STK40: variants seen among roughly 807,000 people sequenced by gnomAD.
STK40 encodes serine/threonine-protein kinase 40.
In STK40, 13 loss-of-function variants were observed where a neutral mutation model predicts 47.9. The observed-to-expected ratio is 0.27, with a 90% CI of 0.18 to 0.43. The LOEUF is 0.43. Among genes scored for constraint, STK40 ranks in the 20% least tolerant of loss-of-function variants. The pLI, the probability that STK40 is intolerant of heterozygous loss-of-function variation, is 1.00. For missense variants in STK40, 460 were observed against 595.1 expected, an observed-to-expected ratio of 0.77 and a Z score of 2.36; for synonymous variants, 225 against 243.2, an observed-to-expected ratio of 0.93 and a Z score of 0.69.
At chr1:36,376,677 T>G (rs977377439) in intron 1 of STK40, among the ~76,000 whole-genome samples, 1 of 152,264 alleles carries the variant, frequency 6.6e-6, no homozygotes, top group African/African-American at 2.4e-5. Flanking sequence ...GGTCCACACC[T>G]GCTGATAAAG....
intron 7 of STK40, among the ~76,000 whole-genome samples, chr1:36,345,167 C>T (rs974588090): frequency 1.3e-5 from 2 of 152,262 alleles, no homozygotes; most frequent in Non-Finnish European, 2.9e-5. Context: ...CCACTCCCTG[C>T]GATGCACCCT....
Position 36,353,390 on chromosome 1 carries a change from G to A in STK40, c.623+974C>T, listed in dbSNP as rs138293367. 6.8e-3 allele frequency among the ~76,000 whole-genome samples: 1,035 copies of A among 152,276 alleles called. 15 individuals carry two copies. Among genetic ancestry groups the A allele is most frequent in the African/African-American group, 0.024 (987 of 41,560 alleles). On this transcript the variant is annotated intron_variant, in intron 6 of 10. Coordinates refer to ENST00000373132, the MANE Select transcript of STK40 (RefSeq NM_001282547.2). ...AACATGGTGAGACAGTGGTAGCACTGTCCCAGATCACTCCAAAGAGGCCCA... is the reference window on the plus strand; with the variant it reads ...AACATGGTGAGACAGTGGTAGCACTATCCCAGATCACTCCAAAGAGGCCCA...
At chr1:36,369,215 T>C (rs1646925264) in intron 1 of STK40, among the ~76,000 whole-genome samples, 1 of 152,212 alleles carries the variant, frequency 6.6e-6, no homozygotes, top group Admixed American at 6.5e-5. Flanking sequence ...TGGTGGTGTC[T>C]TTCTGTAGTG....
At chr1:36,365,573 T>C (rs552180038) in intron 1 of STK40, among the ~76,000 whole-genome samples, 1 of 152,354 alleles carries the variant, frequency 6.6e-6, no homozygotes, top group African/African-American at 2.4e-5. Flanking sequence ...GTCATTCACA[T>C]AAAAGCAGAG....
chr1:36,355,284 G>A lies in STK40; in HGVS notation c.492C>T (p.Ile164=). ...CCCTCTCGCTGAGCCTCTTCTCCTTGATGACGTAGTGCTGCAGGTTGATGA... is the reference window on the plus strand; with the variant it reads ...CCCTCTCGCTGAGCCTCTTCTCCTTAATGACGTAGTGCTGCAGGTTGATGA... ...ADLINLQHYV[I]KEKRLSERET... The change falls in exon 5 of 11, where the codon ATC becomes ATT. Residue 164 remains isoleucine (I), a synonymous_variant. Coordinates refer to ENST00000373132, the MANE Select transcript of STK40 (RefSeq NM_001282547.2). 6.2e-7 allele frequency: 1 copy of A among 1,614,106 alleles called. No homozygotes were observed. Among genetic ancestry groups the A allele is most frequent in the Non-Finnish European group, 8.5e-7 (1 of 1,180,036 alleles).
chr1:36,364,065 A>G (rs1646879498), intron 1 of STK40, among the ~76,000 whole-genome samples: 1 of 151,680 alleles, frequency 6.6e-6, no homozygotes, highest in Non-Finnish European at 1.5e-5. Context: ...GCAGGAGAAT[A>G]GTGTGAACCC....
At chr1:36,381,320 A>C (rs1157800606) in intron 1 of STK40, among the ~76,000 whole-genome samples, 2 of 152,192 alleles carry the variant, frequency 1.3e-5, no homozygotes, top group East Asian at 1.9e-4. Flanking sequence ...CCTACCTCTC[A>C]GGCACATCCT....
intron 4 of STK40, 21 bp downstream of exon 4, chr1:36,358,218 G>A (rs373813004): frequency 1.2e-4 from 192 of 1,569,696 alleles, no homozygotes; most frequent in Middle Eastern, 8.0e-4. Context: ...AGCGCGAAGG[G>A]TGAGGGGGAA....
chr1:36,352,239 T>C (rs947064801), intron 6 of STK40, among the ~76,000 whole-genome samples: 3 of 152,306 alleles, frequency 2.0e-5, no homozygotes, highest in South Asian at 4.1e-4. Context: ...TGTGAGCCCA[T>C]GGGTCCTGTT....
At chr1:36,355,081 T>C in intron 5 of STK40, 125 bp downstream of exon 5, 1 of 988,580 alleles carries the variant, frequency 1.0e-6, no homozygotes, top group Non-Finnish European at 1.5e-6. Flanking sequence ...CAGTCACTCT[T>C]CTTTTGGACA....
intron 1 of STK40, among the ~76,000 whole-genome samples, chr1:36,370,396 T>C (rs1303646831): frequency 2.0e-5 from 3 of 152,236 alleles, no homozygotes; most frequent in Non-Finnish European, 2.9e-5. Flanking sequence ...TCCAGGTTTG[T>C]GGTGTGAAAG....
At chr1:36,343,343 C>T (rs1646671449) in intron 10 of STK40, 21 bp downstream of exon 10, 11 of 1,606,888 alleles carry the variant, frequency 6.8e-6, no homozygotes, top group Non-Finnish European at 9.4e-6. Context: ...GGTAATGGCC[C>T]ATCTGCCCTC....
In STK40 at chr1:36,348,823, T is replaced by C. The variant is rs773368053; in HGVS notation, c.624-8A>G. 6.9e-6 allele frequency: 11 copies of C among 1,594,476 alleles called. No homozygotes were observed. Among genetic ancestry groups the C allele is most frequent in the South Asian group, 5.7e-5 (5 of 88,268 alleles). ...ATGGTTATCCGATGTGTCCTAGGAG[T>C]GGGAGACAGAGTGAACAAACCTCAG... On this transcript the variant is annotated splice_polypyrimidine_tract_variant and splice_region_variant and intron_variant, in intron 6 of 10. Transcript: ENST00000373132.
In STK40 at chr1:36,385,876, G is replaced by GCCGCCGCCT; in HGVS notation, c.-171_-163dup. On this transcript the variant is annotated 5_prime_UTR_variant, in exon 1 of 11. Coordinates refer to ENST00000373132, the MANE Select transcript of STK40 (RefSeq NM_001282547.2). ...AGCCACCCGAGCCGCCGCCGCCGCC[G>GCCGCCGCCT]CCGCCGCCTCCCTCCATGGCTGCGG... The GCCGCCGCCT allele has an allele frequency of 1.1e-5, 2 of 178,004 alleles. No homozygotes were observed. The highest frequency in any genetic ancestry group is 1.3e-4 in the South Asian group (1 of 7,546). 11.0% of individuals were successfully genotyped at this position (178,004 alleles called of 1,614,324 possible).
chr1:36,372,785 G>A (rs1646960809), intron 1 of STK40: 1 of 152,210 alleles, frequency 6.6e-6, no homozygotes, highest in Admixed American at 6.5e-5. Context: ...CTGGAGAAAA[G>A]GGCTGAGTCA....
chr1:36,345,186 C>G (rs1646688942), intron 7 of STK40, among the ~76,000 whole-genome samples: 3 of 152,264 alleles, frequency 2.0e-5, no homozygotes, highest in African/African-American at 7.2e-5. Flanking sequence ...CTCTGGTATA[C>G]CAGCAGGCTG....
At position 36,356,418 on chromosome 1, in the gene STK40, CT is replaced by C. The variant is rs1002682531; in HGVS notation, c.343-986del. Among the ~76,000 whole-genome samples the C allele has an allele frequency of 1.2e-3, 136 of 116,804 alleles. 1 individual carries two copies. Among genetic ancestry groups the C allele is most frequent in the Admixed American group, 2.7e-3 (30 of 11,292 alleles). The allele number at this position is 116,804 out of a possible 152,430, so 76.6% of individuals were successfully genotyped here. A position where few individuals can be genotyped will look rare whatever the true frequency, so the allele number is the denominator to read the frequency against. On this transcript the variant is annotated intron_variant, in intron 4 of 10. Coordinates refer to ENST00000373132, the MANE Select transcript of STK40 (RefSeq NM_001282547.2). Reference sequence around the variant, plus strand: ...CTGAATATCCACATTTCTTCTTTTTCTTTTTTTTTTTTTTTTTTTTTTTGTG... The same window carrying C: ...CTGAATATCCACATTTCTTCTTTTTCTTTTTTTTTTTTTTTTTTTTTTGTG...
intron 1 of STK40, among the ~76,000 whole-genome samples, chr1:36,377,710 A>G (rs899927104): frequency 3.9e-5 from 6 of 152,152 alleles, no homozygotes; most frequent in Non-Finnish European, 7.3e-5. Context: ...AAGGACAAAG[A>G]CAACACCCCT....
chr1:36,354,332 T>C, intron 6 of STK40, 32 bp downstream of exon 6: 1 of 1,612,820 alleles, frequency 6.2e-7, no homozygotes, highest in Non-Finnish European at 8.5e-7. Flanking sequence ...AGCCCCGGGG[T>C]AACTGTATGG....
Sources: gnomAD v4.1 joint callset for allele counts (sites outside exome capture counted in the v4.1 genomes callset) on GRCh38, gnomAD v4.1.1 for gene constraint, MANE v1.5 for transcripts, NCBI Gene and HGNC (gene_info 2026-07-23, HGNC 2026-07-21) for gene names.